The following ARHGAP19 variants were observed in gnomAD, a reference collection of about 807,000 sequenced individuals.
ARHGAP19 encodes Rho GTPase activating protein 19, also known as rho GTPase-activating protein 19.
ARHGAP19 carries 48 observed loss-of-function variants against 60.9 expected under a neutral mutation model. The observed-to-expected ratio is 0.79, with a 90% CI of 0.62 to 1.00. ARHGAP19 has a LOEUF of 1.00. ARHGAP19 is among the 50% of genes least tolerant of loss of function. ARHGAP19 has a pLI of 0.00. For synonymous variants in ARHGAP19, 209 were observed against 215.5 expected (o/e 0.97, Z 0.27); for missense variants, 562 against 597.2 (o/e 0.94, Z 0.61).
At chr10:97,280,122 T>G (rs956931113) in intron 1 of ARHGAP19, among the ~76,000 whole-genome samples, 2 of 152,148 alleles carry the variant, frequency 1.3e-5, no homozygotes, top group Non-Finnish European at 2.9e-5. Context: ...GAAAGTAACA[T>G]CAGGCTGGGT....
rs1258835463 is a variant in ARHGAP19, at chr10:97,225,010, C to A, written c.*1112G>T. On this transcript the variant is annotated 3_prime_UTR_variant, in exon 12 of 12. Coordinates refer to ENST00000358531, the MANE Select transcript of ARHGAP19 (RefSeq NM_032900.6). ...CATTCTCTCCTTTAAATCCTGTCAG[C>A]CCTGCAGAGGTTGCTGCTTGCTTCT... The A allele has an allele frequency of 6.6e-6, 1 of 152,488 alleles. No individual in the cohort carries two copies. The highest frequency in any genetic ancestry group is 6.5e-5 in the Admixed American group (1 of 15,284). 9.4% of individuals were successfully genotyped at this position (152,488 alleles called of 1,614,324 possible).
At chr10:97,271,384 A>C (rs897930942) in intron 1 of ARHGAP19, among the ~76,000 whole-genome samples, 8 of 152,094 alleles carry the variant, frequency 5.3e-5, no homozygotes, top group Non-Finnish European at 8.8e-5. Context: ...AATAAAATAC[A>C]AGACAAGCCA....
chr10:97,237,263 CAA>C (rs367997995), intron 8 of ARHGAP19, among the ~76,000 whole-genome samples: 1 of 119,044 alleles, frequency 8.4e-6, no homozygotes. Context: ...GACCTTGTCT[CAA>C]AAAAAAAAAA....
At chr10:97,273,980 A>AAC (rs887141522) in intron 1 of ARHGAP19, among the ~76,000 whole-genome samples, 3 of 135,394 alleles carry the variant, frequency 2.2e-5, no homozygotes, top group South Asian at 2.4e-4. Context: ...CACACACACA[A>AAC]ACACACACAC....
intron 6 of ARHGAP19, among the ~76,000 whole-genome samples, chr10:97,246,719 T>C (rs1305602323): frequency 1.3e-5 from 2 of 152,038 alleles, no homozygotes; most frequent in Non-Finnish European, 2.9e-5. Context: ...AAAATCACAG[T>C]GTAGAAAATA....
chr10:97,266,929 T>C (rs1193771262), intron 1 of ARHGAP19, among the ~76,000 whole-genome samples: 3 of 152,148 alleles, frequency 2.0e-5, no homozygotes, highest in African/African-American at 7.2e-5. Flanking sequence ...AGCCAAACCA[T>C]ATCATTCTGC....
At chr10:97,266,207 A>C in intron 1 of ARHGAP19, 82 bp from the exon 2 acceptor site, 3 of 1,514,690 alleles carry the variant, frequency 2.0e-6, no homozygotes, top group Non-Finnish European at 2.7e-6. Context: ...TTTGGTCCTG[A>C]CTCCACGCAA....
At chr10:97,280,069 C>G (rs1370961941) in intron 1 of ARHGAP19, among the ~76,000 whole-genome samples, 1 of 152,070 alleles carries the variant, frequency 6.6e-6, no homozygotes, top group Non-Finnish European at 1.5e-5. Flanking sequence ...TAATTTTTCT[C>G]CCTCATGCTA....
At chr10:97,263,998 T>C (rs191719924) in intron 3 of ARHGAP19, among the ~76,000 whole-genome samples, 4 of 152,306 alleles carry the variant, frequency 2.6e-5, no homozygotes, top group East Asian at 3.9e-4. Context: ...CAGACTTCGT[T>C]TGGAGGGGCT....
Position 97,249,266 on chromosome 10 carries a change from T to G in ARHGAP19, c.928-2929A>C, listed in dbSNP as rs180686542. On this transcript the variant is annotated intron_variant, in intron 6 of 11. Coordinates refer to ENST00000358531, the MANE Select transcript of ARHGAP19 (RefSeq NM_032900.6). ...GCTAAAACCATTATTAGGTAATCAC[T>G]CTACAGGTTATTTACTAACCGCAAA... Among the ~76,000 whole-genome samples, 829 of 152,284 alleles carry G rather than the reference T, an allele frequency of 5.4e-3. 1 individual carries two copies. The highest frequency in any genetic ancestry group is 0.01 in the Middle Eastern group (3 of 294).
intron 8 of ARHGAP19, among the ~76,000 whole-genome samples, chr10:97,237,486 G>A (rs139008264): frequency 6.6e-6 from 1 of 152,260 alleles, no homozygotes; most frequent in East Asian, 1.9e-4. Flanking sequence ...TCAAGTGACT[G>A]CAGTGATGCT....
intron 1 of ARHGAP19, among the ~76,000 whole-genome samples, chr10:97,272,648 A>C (rs1186324823): frequency 1.3e-5 from 2 of 152,108 alleles, no homozygotes; most frequent in Non-Finnish European, 2.9e-5. Context: ...GAATTTGTCT[A>C]TTTCACATAA....
At chr10:97,291,692 CT>C (rs1248653538) in intron 1 of ARHGAP19, among the ~76,000 whole-genome samples, 2 of 152,222 alleles carry the variant, frequency 1.3e-5, no homozygotes, top group Non-Finnish European at 2.9e-5. Context: ...CTTGGAATCT[CT>C]TATTCGGTAC....
rs549162853 is a variant in ARHGAP19, at chr10:97,267,907, C to G, written c.57-1782G>C. On this transcript the variant is annotated intron_variant, in intron 1 of 11. Transcript: ENST00000358531. The stretch of plus-strand genomic sequence containing the variant: ...AGGCCTGTGATGGGAGGTGCTGCTA[C>G]AAAGGTCTCTGGCATGTCCTGGAGA... Among the ~76,000 whole-genome samples, 8 of 152,366 alleles carry G rather than the reference C, an allele frequency of 5.3e-5. 1 individual carries two copies. In the South Asian group the frequency reaches 1.4e-3, roughly 28 times the overall value.
At chr10:97,237,463 C>A (rs541857339) in intron 8 of ARHGAP19, among the ~76,000 whole-genome samples, 1 of 152,038 alleles carries the variant, frequency 6.6e-6, no homozygotes, top group Admixed American at 6.6e-5. Flanking sequence ...AACATCACAG[C>A]GCAATGTGTT....
chr10:97,244,773 G>A (rs766929632), intron 7 of ARHGAP19, among the ~76,000 whole-genome samples: 1 of 152,092 alleles, frequency 6.6e-6, no homozygotes, highest in Non-Finnish European at 1.5e-5. Flanking sequence ...AAACAAATAG[G>A]AGCAGAAAAA....
intron 1 of ARHGAP19, among the ~76,000 whole-genome samples, chr10:97,269,109 C>T (rs1172012606): frequency 6.6e-6 from 1 of 152,154 alleles, no homozygotes; most frequent in Non-Finnish European, 1.5e-5. Flanking sequence ...CCATTATACC[C>T]TAGGTACCAA....
chr10:97,285,518 GC>G (rs1843143373), intron 1 of ARHGAP19, among the ~76,000 whole-genome samples: 2 of 124,700 alleles, frequency 1.6e-5, no homozygotes, highest in African/African-American at 2.9e-5. Flanking sequence ...TTTTTTTTTT[GC>G]TTTTTTTTTT....
intron 1 of ARHGAP19, among the ~76,000 whole-genome samples, chr10:97,287,890 C>T (rs1029854566): frequency 8.5e-5 from 13 of 152,080 alleles, no homozygotes; most frequent in African/African-American, 2.9e-4. Context: ...CGGAGAAACA[C>T]TGTCTCTACT....
Sources: gnomAD v4.1 joint callset for allele counts (sites outside exome capture counted in the v4.1 genomes callset) on GRCh38, gnomAD v4.1.1 for gene constraint, MANE v1.5 for transcripts, NCBI Gene and HGNC (gene_info 2026-07-23, HGNC 2026-07-21) for gene names.